Variants in TENM2 observed in about 807,000 individuals in gnomAD.
The protein encoded by TENM2 is teneurin-2.
A neutral mutation model predicts 245.2 loss-of-function variants in TENM2; 52 were observed. The observed-to-expected ratio is 0.21, with a 90% CI of 0.17 to 0.27. The LOEUF is 0.27. Ranked by LOEUF, TENM2 falls within the 10% of genes least tolerant of loss-of-function variation. The pLI is 1.00. For missense variants in TENM2, 3,046 were observed against 3,666.8 expected (o/e 0.83, Z 4.37); for synonymous variants, 1,363 against 1,438.9 (o/e 0.95, Z 1.19).
At chr5:167,572,197 T>C (rs1774312268) in intron 2 of TENM2, among the ~76,000 whole-genome samples, 1 of 152,210 alleles carries the variant, frequency 6.6e-6, no homozygotes, top group African/African-American at 2.4e-5. Context: ...ACACTTCGAG[T>C]TTAACAAGAT....
chr5:168,209,588 C>G (rs1195446958), intron 19 of TENM2, among the ~76,000 whole-genome samples: 1 of 152,200 alleles, frequency 6.6e-6, no homozygotes, highest in South Asian at 2.1e-4. Flanking sequence ...ACTCCAAGTG[C>G]ACCTTCCTCA....
the TENM2 span, among the ~76,000 whole-genome samples, chr5:167,000,890 C>A: frequency 6.6e-6 from 1 of 152,100 alleles, no homozygotes; most frequent in South Asian, 2.1e-4. Flanking sequence ...GGCCAGTGGA[C>A]CTTCTTGAGG....
chr5:167,354,905 A>G (rs1260478533), intron 1 of TENM2, among the ~76,000 whole-genome samples: 2 of 152,214 alleles, frequency 1.3e-5, no homozygotes, highest in African/African-American at 2.4e-5. Flanking sequence ...CGGAAGCCTC[A>G]GGGGATTAAG....
chr5:167,432,185 G>A (rs1295375463), intron 2 of TENM2, among the ~76,000 whole-genome samples: 1 of 151,438 alleles, frequency 6.6e-6, no homozygotes, highest in Non-Finnish European at 1.5e-5. Context: ...AGCACAGTGA[G>A]TGGTTTACCT....
At chr5:167,836,656 G>A (rs1318521197) in intron 2 of TENM2, among the ~76,000 whole-genome samples, 1 of 152,186 alleles carries the variant, frequency 6.6e-6, no homozygotes, top group Non-Finnish European at 1.5e-5. Flanking sequence ...CATTCTGGGA[G>A]AAGGACAGGT....
chr5:168,222,543 A>G (rs1763758828), intron 23 of TENM2, among the ~76,000 whole-genome samples: 1 of 152,182 alleles, frequency 6.6e-6, no homozygotes. Flanking sequence ...GGGCCCCTTT[A>G]AAAGTTGCCT....
At chr5:167,676,133 C>T (rs1459569732) in intron 2 of TENM2, among the ~76,000 whole-genome samples, 3 of 152,024 alleles carry the variant, frequency 2.0e-5, no homozygotes, top group Admixed American at 6.6e-5. Context: ...TCAAATTTTC[C>T]AGAATATGGA....
chr5:167,591,789 A>C (rs545762469), intron 2 of TENM2, among the ~76,000 whole-genome samples: 2 of 152,356 alleles, frequency 1.3e-5, no homozygotes, highest in East Asian at 3.9e-4. Flanking sequence ...AGCCACTCAC[A>C]GAATGATAGT....
At chr5:167,056,155 A>G in the TENM2 span, among the ~76,000 whole-genome samples, 1 of 152,038 alleles carries the variant, frequency 6.6e-6, no homozygotes, top group Admixed American at 6.5e-5. Context: ...CTCTGAATTT[A>G]TTGATATGAC....
chr5:167,108,417 C>T, the TENM2 span, among the ~76,000 whole-genome samples: 11 of 152,156 alleles, frequency 7.2e-5, no homozygotes, highest in African/African-American at 1.2e-4. Flanking sequence ...TGAGTCACCG[C>T]GCCCGGCCAC....
chr5:167,344,909 A>T (rs189839381), intron 1 of TENM2, among the ~76,000 whole-genome samples: 2 of 152,178 alleles, frequency 1.3e-5, no homozygotes, highest in East Asian at 3.9e-4. Flanking sequence ...GCCCATTTTG[A>T]GCTTCCAAAA....
At chr5:166,992,059 ATTTT>A in the TENM2 span, among the ~76,000 whole-genome samples, 3 of 147,014 alleles carry the variant, frequency 2.0e-5, no homozygotes, top group Admixed American at 1.4e-4. Context: ...TCATATTCCA[ATTTT>A]TTTTTTTTTT....
At chr5:167,797,244 C>A (rs1485589139) in intron 2 of TENM2, among the ~76,000 whole-genome samples, 1 of 152,122 alleles carries the variant, frequency 6.6e-6, no homozygotes, top group African/African-American at 2.4e-5. Flanking sequence ...CAGTCTGACA[C>A]CTCAGTGTGT....
intron 2 of TENM2, among the ~76,000 whole-genome samples, chr5:167,817,802 G>T (rs1393571099): frequency 6.6e-6 from 1 of 152,304 alleles, no homozygotes; most frequent in African/African-American, 2.4e-5. Context: ...GTGGGGGAAT[G>T]GTGGGGACAT....
At chr5:167,420,769 A>G (rs1394637970) in intron 2 of TENM2, among the ~76,000 whole-genome samples, 1 of 152,098 alleles carries the variant, frequency 6.6e-6, no homozygotes, top group Admixed American at 6.5e-5. Flanking sequence ...TTACTCCCCT[A>G]TCACAATTTC....
chr5:168,172,906 G>T (rs1758979421), intron 13 of TENM2, among the ~76,000 whole-genome samples: 1 of 152,166 alleles, frequency 6.6e-6, no homozygotes, highest in South Asian at 2.1e-4. Flanking sequence ...AGCTCTGGGG[G>T]ATTGGAGAGG....
intron 2 of TENM2, among the ~76,000 whole-genome samples, chr5:167,447,629 G>C (rs1765310962): frequency 1.3e-5 from 2 of 152,152 alleles, no homozygotes; most frequent in African/African-American, 4.8e-5. Context: ...AGTAACACCT[G>C]ACCCCATTCA....
At chr5:167,194,630 G>T in the TENM2 span, among the ~76,000 whole-genome samples, 7,330 of 152,008 alleles carry the variant, frequency 0.048, 593 homozygotes, top group East Asian at 0.36. Context: ...GGAACAGGGG[G>T]TTGGGACAGG....
intron 2 of TENM2, among the ~76,000 whole-genome samples, chr5:167,765,250 C>A (rs188493463): frequency 6.6e-6 from 1 of 152,274 alleles, no homozygotes; most frequent in African/African-American, 2.4e-5. Context: ...CAGAAGTCAC[C>A]TTTCTGAGTA....
Sources: allele counts gnomAD v4.1 joint callset (sites outside exome capture counted in the v4.1 genomes callset), GRCh38; gene constraint gnomAD v4.1.1; transcripts MANE v1.5; gene names NCBI Gene and HGNC (gene_info 2026-07-23, HGNC 2026-07-21).